The following CYFIP1 variants were observed in gnomAD, a reference collection of about 807,000 sequenced individuals.
The protein encoded by CYFIP1 is cytoplasmic FMR1-interacting protein 1.
A neutral mutation model predicts 163.5 loss-of-function variants in CYFIP1; 58 were observed. The observed-to-expected ratio is 0.35, with a 90% CI of 0.29 to 0.44. The LOEUF is 0.44. CYFIP1 is among the 20% of genes least tolerant of loss of function. The pLI, the probability that CYFIP1 is intolerant of heterozygous loss-of-function variation, is 1.00. For synonymous variants in CYFIP1, 663 were observed against 660.7 expected (o/e 1.00, Z -0.05); for missense variants, 1,338 against 1,653.8 (o/e 0.81, Z 3.31).
chr15:22,880,592 C>T (rs545994197), intron 25 of CYFIP1, among the ~76,000 whole-genome samples: 1 of 152,298 alleles, frequency 6.6e-6, no homozygotes, highest in African/African-American at 2.4e-5. Flanking sequence ...AGAAGGCCAA[C>T]GTTTCCCAGC....
chr15:22,932,363 C>T (rs768652139), intron 10 of CYFIP1, 23 bp from the exon 11 acceptor site: 27 of 1,538,548 alleles, frequency 1.8e-5, no homozygotes, highest in Admixed American at 8.0e-5. Flanking sequence ...AAAGCACCCG[C>T]GTTACCTGCG....
chr15:22,881,793 C>T (rs1042912774), intron 25 of CYFIP1, 53 bp downstream of exon 25: 2 of 1,544,894 alleles, frequency 1.3e-6, no homozygotes, highest in Non-Finnish European at 1.8e-6. Flanking sequence ...GACTTGAATT[C>T]CTTTCTGACC....
chr15:22,951,633 G>A (rs1182854822), intron 1 of CYFIP1: 3 of 1,096,468 alleles, frequency 2.7e-6, no homozygotes, highest in Non-Finnish European at 3.6e-6. Context: ...TCATGCCCGG[G>A]CCCCACGCGG....
At chr15:22,887,833 A>T (rs1595520462) in intron 23 of CYFIP1, among the ~76,000 whole-genome samples, 1 of 152,316 alleles carries the variant, frequency 6.6e-6, no homozygotes, top group East Asian at 1.9e-4. Flanking sequence ...ATGTCCAGTC[A>T]CACAGCTCAG....
rs2061085873 is a variant in CYFIP1 at position 22,918,874 on chromosome 15, C to G, written c.1360-16G>C. 1.2e-5 allele frequency: 19 copies of G among 1,574,872 alleles called. No individual in the cohort carries two copies. Among genetic ancestry groups the G allele is most frequent in the Non-Finnish European group, 1.5e-5 (17 of 1,160,058 alleles). On this transcript the variant is annotated splice_polypyrimidine_tract_variant and intron_variant, in intron 13 of 30. Transcript: ENST00000617928. ...TGGCGATCACCTGCGGGGGACACAG[C>G]AACAGGGACGGCCCTTCTTAGGGAT...
At chr15:22,916,361 C>T (rs559635631) in intron 16 of CYFIP1, 116 bp downstream of exon 16, 16 of 774,662 alleles carry the variant, frequency 2.1e-5, no homozygotes, top group African/African-American at 5.2e-5. Flanking sequence ...GACGAGTCAC[C>T]GTCTGGGTGC....
chr15:22,902,275 C>T (rs1418741612), intron 22 of CYFIP1, among the ~76,000 whole-genome samples: 1 of 152,210 alleles, frequency 6.6e-6, no homozygotes, highest in African/African-American at 2.4e-5. Flanking sequence ...ACTGGGTGCA[C>T]CGTGCTGATC....
chr15:22,974,663 G>A (rs940338914), intron 1 of CYFIP1, among the ~76,000 whole-genome samples: 2 of 152,144 alleles, frequency 1.3e-5, no homozygotes, highest in Non-Finnish European at 2.9e-5. Context: ...CCAGGAGGCG[G>A]AGGTTGCAGT....
chr15:22,910,919 T>C (rs781581301), intron 18 of CYFIP1, 106 bp from the exon 19 acceptor site: 124 of 989,176 alleles, frequency 1.3e-4, no homozygotes, highest in Admixed American at 6.9e-4. Flanking sequence ...GAGGCTCTTT[T>C]ATTTTTTTGA....
intron 1 of CYFIP1, among the ~76,000 whole-genome samples, chr15:22,979,232 C>G (rs2063383030): frequency 6.6e-6 from 1 of 152,298 alleles, no homozygotes; most frequent in Admixed American, 6.5e-5. Context: ...CTAGACATCA[C>G]TTGGAAAACC....
At chr15:22,938,055 A>C (rs895894973) in intron 8 of CYFIP1, among the ~76,000 whole-genome samples, 1 of 152,134 alleles carries the variant, frequency 6.6e-6, no homozygotes, top group Non-Finnish European at 1.5e-5. Flanking sequence ...GCTCAGGAGG[A>C]GTCTGGGGGC....
intron 30 of CYFIP1, among the ~76,000 whole-genome samples, chr15:22,872,077 C>G (rs2059446925): frequency 6.6e-6 from 1 of 152,004 alleles, no homozygotes; most frequent in African/African-American, 2.4e-5. Context: ...GTCAGGAGTT[C>G]AAGATCAGCC....
chr15:22,943,954 A>G (rs756754554), intron 5 of CYFIP1, among the ~76,000 whole-genome samples: 66 of 152,226 alleles, frequency 4.3e-4, no homozygotes, highest in Middle Eastern at 3.4e-3. Context: ...AAAAGTACAA[A>G]TTGGCCAGGC....
intron 15 of CYFIP1, 185 bp from the exon 16 acceptor site, chr15:22,916,815 G>C (rs1212225873): frequency 1.9e-6 from 3 of 1,564,414 alleles, no homozygotes; most frequent in East Asian, 2.4e-5. Flanking sequence ...TTTGGGGAAA[G>C]AACAACTTGT....
chr15:22,941,989 G>C (rs1026533359), intron 6 of CYFIP1, among the ~76,000 whole-genome samples: 1 of 152,222 alleles, frequency 6.6e-6, no homozygotes, highest in African/African-American at 2.4e-5. Flanking sequence ...CTCGATGCTA[G>C]ATTCCCACAG....
In CYFIP1 at chr15:22,872,882, G is replaced by A. The variant is rs147741934; in HGVS notation, c.3540C>T (p.Cys1180=). 6.2e-7 allele frequency: 1 copy of A among 1,614,018 alleles called. No homozygotes were observed. The highest frequency in any genetic ancestry group is 8.5e-7 in the Non-Finnish European group (1 of 1,179,910). ...QQRRFAVLDF[C]YHLLKVQKHD... ...GTTTCTGGACTTTAAGTAGATGGTA[G>A]CAGAAATCCAGCACAGCAAAACGCC... is the stretch of plus-strand genomic sequence containing the variant. The change falls in exon 30 of 31, where the codon TGC becomes TGT. Residue 1180 remains cysteine, a synonymous_variant. Coordinates refer to ENST00000617928, the MANE Select transcript of CYFIP1 (RefSeq NM_014608.6).
chr15:22,970,137 A>G (rs964715344), intron 1 of CYFIP1, among the ~76,000 whole-genome samples: 1 of 152,224 alleles, frequency 6.6e-6, no homozygotes, highest in Non-Finnish European at 1.5e-5. Flanking sequence ...TCCATGTACA[A>G]CAGCATCCAA....
intron 23 of CYFIP1, among the ~76,000 whole-genome samples, chr15:22,883,985 C>T (rs994552672): frequency 5.3e-5 from 8 of 152,140 alleles, no homozygotes. Flanking sequence ...CCTTATAAAA[C>T]CATCAGATCT....
At chr15:22,958,843 G>C (rs577137542) in intron 1 of CYFIP1, among the ~76,000 whole-genome samples, 3 of 152,196 alleles carry the variant, frequency 2.0e-5, no homozygotes, top group Admixed American at 2.0e-4. Flanking sequence ...GAGCAGTTCT[G>C]TCTTTATCTG....
Sources: allele counts gnomAD v4.1 joint callset (sites outside exome capture counted in the v4.1 genomes callset), GRCh38; gene constraint gnomAD v4.1.1; transcripts MANE v1.5; gene names NCBI Gene and HGNC (gene_info 2026-07-23, HGNC 2026-07-21).